Variants in ACP3 observed in about 807,000 individuals in gnomAD.
ACP3 encodes prostatic acid phosphatase.
ACP3 carries 38 observed loss-of-function variants against 45.6 expected under a neutral mutation model. That is an observed-to-expected ratio of 0.83 (90% CI 0.64 to 1.09). The LOEUF (loss-of-function observed/expected upper bound fraction) is 1.09, where lower values mean the gene tolerates loss of function less well. Ranked by LOEUF, ACP3 falls within the 50% of genes least tolerant of loss-of-function variation. ACP3 has a pLI of 0.00. For synonymous variants in ACP3, 162 were observed against 164.7 expected, an observed-to-expected ratio of 0.98 and a Z score of 0.13; for missense variants, 466 against 463.2, an observed-to-expected ratio of 1.01 and a Z score of -0.05.
At chr3:132,350,297 G>T (rs56408806) in intron 8 of ACP3, among the ~76,000 whole-genome samples, 18,944 of 152,252 alleles carry the variant, frequency 0.12, 1,401 homozygotes, top group Non-Finnish European at 0.18. Context: ...GTGGAGAAGA[G>T]AAGCAGAAAG....
At chr3:132,342,721 C>A in intron 6 of ACP3, 77 bp downstream of exon 6, 1 of 887,402 alleles carries the variant, frequency 1.1e-6, no homozygotes, top group Non-Finnish European at 1.7e-6. Flanking sequence ...AGATGAATAT[C>A]TTTTCTTTCA....
At chr3:132,352,864 C>T (rs764173064) in intron 9 of ACP3, 41 bp downstream of exon 9, 14 of 1,394,806 alleles carry the variant, frequency 1.0e-5, no homozygotes, top group East Asian at 2.3e-5. Flanking sequence ...ATCACTGGAC[C>T]TTGGGTTTCA....
chr3:132,356,157 C>T (rs1937889891), intron 9 of ACP3, among the ~76,000 whole-genome samples: 1 of 152,120 alleles, frequency 6.6e-6, no homozygotes, highest in African/African-American at 2.4e-5. Context: ...GGATAATTTT[C>T]TGATAAAGTC....
downstream of ACP3, among the ~76,000 whole-genome samples, chr3:132,359,307 T>C (rs1176840689): frequency 6.6e-6 from 1 of 152,088 alleles, no homozygotes; most frequent in Non-Finnish European, 1.5e-5. Flanking sequence ...GGTCAGGAGA[T>C]TGAGACCATC....
intron 1 of ACP3, among the ~76,000 whole-genome samples, chr3:132,320,331 T>C (rs563203471): frequency 2.0e-5 from 3 of 152,306 alleles, no homozygotes; most frequent in African/African-American, 7.2e-5. Flanking sequence ...GATGTCCTCA[T>C]CAACCAGCTT....
At chr3:132,353,173 GA>G (rs1937799220) in intron 9 of ACP3, among the ~76,000 whole-genome samples, 2 of 152,112 alleles carry the variant, frequency 1.3e-5, no homozygotes, top group South Asian at 4.2e-4. Flanking sequence ...TTCAATTAAA[GA>G]ATTCAAACAT....
At chr3:132,359,089 TG>T (rs1937984070), downstream of ACP3, among the ~76,000 whole-genome samples, 1 of 152,124 alleles carries the variant, frequency 6.6e-6, no homozygotes, top group Non-Finnish European at 1.5e-5. Flanking sequence ...CTGTACAACA[TG>T]GAAAAACCAG....
chr3:132,347,532 T>C (rs1257468000), intron 7 of ACP3, among the ~76,000 whole-genome samples: 6 of 152,124 alleles, frequency 3.9e-5, no homozygotes. Context: ...CAGGCTGGAG[T>C]GCAGCAGCAT....
chr3:132,331,414 C>T (rs1390249746), intron 2 of ACP3, among the ~76,000 whole-genome samples: 1 of 152,204 alleles, frequency 6.6e-6, no homozygotes, highest in East Asian at 1.9e-4. Flanking sequence ...GTGCAAGTCT[C>T]TATGTTAAGT....
chr3:132,365,991 C>CAA (rs112882480), intron 10 of ACP3, among the ~76,000 whole-genome samples: 12 of 133,278 alleles, frequency 9.0e-5, no homozygotes, highest in African/African-American at 3.3e-4. Flanking sequence ...CTCCATCTCC[C>CAA]AAAAAAAAAA....
intron 7 of ACP3, among the ~76,000 whole-genome samples, chr3:132,345,788 A>G (rs1278044028): frequency 6.6e-6 from 1 of 152,176 alleles, no homozygotes; most frequent in Non-Finnish European, 1.5e-5. Flanking sequence ...TGTAATCAGG[A>G]TAAGTGGATG....
intron 1 of ACP3, among the ~76,000 whole-genome samples, chr3:132,327,331 T>C (rs144788163): frequency 0.051 from 7,734 of 151,592 alleles, 248 homozygotes; most frequent in African/African-American, 0.053. Flanking sequence ...CTGGCCAACA[T>C]GGTGAAACCC....
At chr3:132,318,700 G>GA (rs3840203) in intron 1 of ACP3, among the ~76,000 whole-genome samples, 2 of 151,788 alleles carry the variant, frequency 1.3e-5, no homozygotes, top group Non-Finnish European at 2.9e-5. Flanking sequence ...CTTCTGTGCA[G>GA]AAAAAAAATA....
At chr3:132,344,405 C>T (rs1937584978) in intron 6 of ACP3, among the ~76,000 whole-genome samples, 1 of 150,844 alleles carries the variant, frequency 6.6e-6, no homozygotes, top group African/African-American at 2.4e-5. Flanking sequence ...GTGATGGCCA[C>T]TGCATTCCAG....
chr3:132,320,102 G>C (rs957410882), intron 1 of ACP3, among the ~76,000 whole-genome samples: 6 of 152,160 alleles, frequency 3.9e-5, no homozygotes, highest in Non-Finnish European at 8.8e-5. Context: ...GTTAAACTGT[G>C]TTTAAAAGGT....
intron 2 of ACP3, among the ~76,000 whole-genome samples, chr3:132,328,791 T>C (rs1937349983): frequency 1.3e-5 from 2 of 152,012 alleles, no homozygotes; most frequent in South Asian, 2.1e-4. Context: ...ATGTAAGAGA[T>C]GTACATGAAC....
intron 7 of ACP3, among the ~76,000 whole-genome samples, chr3:132,346,746 G>A (rs17241799): frequency 0.12 from 18,016 of 152,190 alleles, 1,356 homozygotes; most frequent in Non-Finnish European, 0.18. Context: ...TGGTGGAAGC[G>A]GGACTCTTGA....
At chr3:132,356,245 A>C (rs1054587023) in intron 9 of ACP3, among the ~76,000 whole-genome samples, 2 of 152,210 alleles carry the variant, frequency 1.3e-5, no homozygotes, top group Admixed American at 1.3e-4. Flanking sequence ...GGGGAGATAC[A>C]TTCAGAAAGA....
In ACP3 at chr3:132,351,622, G is replaced by T. The variant is rs529714796; in HGVS notation, c.865-1098G>T. Among the ~76,000 whole-genome samples, 37 of 152,280 alleles carry T rather than the reference G, an allele frequency of 2.4e-4. No homozygotes were observed. The South Asian group carries it at 7.5e-3, about 31-fold the overall frequency. On this transcript the variant is annotated intron_variant, in intron 8 of 9. Coordinates refer to ENST00000336375, the MANE Select transcript of ACP3 (RefSeq NM_001099.5). ...CAGAGTGCTTCCTGGAGAGAGATAGGCCTGAAATTAGTCATTTCTGCCAAT... is the reference window on the plus strand; with the variant it reads ...CAGAGTGCTTCCTGGAGAGAGATAGTCCTGAAATTAGTCATTTCTGCCAAT...
Sources: allele counts gnomAD v4.1 joint callset (sites outside exome capture counted in the v4.1 genomes callset), GRCh38; gene constraint gnomAD v4.1.1; transcripts MANE v1.5; gene names NCBI Gene and HGNC (gene_info 2026-07-23, HGNC 2026-07-21).